The following BRWD3 variants were observed in gnomAD, a reference collection of about 807,000 sequenced individuals.
BRWD3 encodes the protein bromodomain and WD repeat domain containing 3.
A neutral mutation model predicts 149.7 loss-of-function variants in BRWD3; 10 were observed. That is an observed-to-expected ratio of 0.07 (90% confidence interval 0.04 to 0.11). The LOEUF (loss-of-function observed/expected upper bound fraction) is 0.11. Ranked by LOEUF, BRWD3 falls within the 10% of genes least tolerant of loss-of-function variation. The pLI, the probability that BRWD3 is intolerant of heterozygous loss-of-function variation, is 1.00. For synonymous variants in BRWD3, 504 were observed against 456.7 expected (o/e 1.10, Z -1.32); for missense variants, 940 against 1,373.2 (o/e 0.68, Z 4.99).
chrX:80,677,080 T>C lies in BRWD3; in HGVS notation c.4938A>G (p.Ile1646Met), dbSNP rs1406872083. Residue 1646 changes from isoleucine (I) to methionine (M), a missense_variant, in exon 41 of 41, where the codon ATA becomes ATG. Ile to Met is a conservative substitution (Grantham distance 10). Transcript: ENST00000373275. ...TGAGTTTTCTTTTAGGTCTGGTTTGTATGAATTTGCTATAATCATGGTCTC... is the reference window on the plus strand; with the variant it reads ...TGAGTTTTCTTTTAGGTCTGGTTTGCATGAATTTGCTATAATCATGGTCTC... Reference protein sequence around the residue: ...VDGDHDYSKFIQTRPKRKLRK... With the variant: ...VDGDHDYSKFMQTRPKRKLRK... 8.3e-7 allele frequency: 1 copy of C among 1,210,037 alleles called. No homozygotes were observed. Among genetic ancestry groups the C allele is most frequent in the Non-Finnish European group, 1.1e-6 (1 of 895,105 alleles).
intron 6 of BRWD3, among the ~76,000 whole-genome samples, chrX:80,779,315 CA>C (rs1056292657): frequency 7.8e-4 from 81 of 103,222 alleles, no homozygotes; most frequent in South Asian, 2.4e-3. Flanking sequence ...AATTCTGTCT[CA>C]AAAAAAAAAG....
In BRWD3 at chrX:80,686,959, A is replaced by C; in HGVS notation, c.3909T>G (p.Asp1303Glu). 8.3e-7 allele frequency: 1 copy of C among 1,210,095 alleles called. No homozygotes were observed. The highest frequency in any genetic ancestry group is 1.1e-6 in the Non-Finnish European group (1 of 894,372). The change falls in exon 35 of 41, where the codon GAT (aspartate) becomes GAG (glutamate). Residue 1303 changes from aspartate (D) to glutamate (E), a missense_variant. Around this residue, in one of 6 missense-constraint regions of BRWD3, gnomAD observed 349 missense variants for 419.6 expected, o/e 0.83. Transcript: ENST00000373275. Reference sequence around the variant, plus strand: ...GTTCCTTGCATTGTTTTTTCCAAGCATCAGGATTACACTTTAAAGACTGTC... The same window carrying C: ...GTTCCTTGCATTGTTTTTTCCAAGCCTCAGGATTACACTTTAAAGACTGTC... ...GRRQSLKCNPDAWKKQCKELL... is the reference protein window; with the variant it reads ...GRRQSLKCNPEAWKKQCKELL...
chrX:80,761,766 G>A (rs1267960537), intron 6 of BRWD3, among the ~76,000 whole-genome samples: 1 of 111,218 alleles, frequency 9.0e-6, no homozygotes, highest in African/African-American at 3.3e-5. Flanking sequence ...GTCAAAAAAC[G>A]GTTCCATACT....
At chrX:80,750,429 A>T (rs1280553726) in intron 6 of BRWD3, among the ~76,000 whole-genome samples, 1 of 111,231 alleles carries the variant, frequency 9.0e-6, no homozygotes, top group Non-Finnish European at 1.9e-5. Context: ...CTGAACAAAC[A>T]TTTCTCAAAA....
intron 4 of BRWD3, among the ~76,000 whole-genome samples, chrX:80,805,036 G>A (rs1199088100): frequency 1.8e-5 from 2 of 111,681 alleles, no homozygotes; most frequent in Non-Finnish European, 3.8e-5. Context: ...TTTTTTAAAT[G>A]ACATTTCAGA....
At position 80,690,109 on chromosome X, in the gene BRWD3, A is replaced by G. The variant is rs756320500; in HGVS notation, c.3603-17T>C. ...GATATTCTCCTGTGAAAGAAAAAAT[A>G]CTCTGTTAGCCTTGGCTAATATATT... is the stretch of plus-strand genomic sequence containing the variant. On this transcript the variant is annotated splice_polypyrimidine_tract_variant and intron_variant, in intron 31 of 40. Transcript: ENST00000373275. 8.3e-7 allele frequency: 1 copy of G among 1,201,491 alleles called. No individual in the cohort carries two copies. The highest frequency in any genetic ancestry group is 1.8e-5 in the South Asian group (1 of 56,654).
At position 80,746,949 on chromosome X, in the gene BRWD3, C is replaced by T. The variant is rs562919886; in HGVS notation, c.431-1220G>A. On this transcript the variant is annotated intron_variant, in intron 6 of 40. Transcript: ENST00000373275. ...ACATGTTGAATATAAACAATTAGAA[C>T]ACATAAGAGACCTGAGTAGTTATGT... is the stretch of plus-strand genomic sequence containing the variant. The T allele has an allele frequency of 3.2e-4, 128 of 404,348 alleles. 3 individuals are homozygous for T. The South Asian group carries it at 0.014, about 44-fold the overall frequency. 33.3% of individuals were successfully genotyped at this position (404,348 alleles called of 1,213,427 possible).
chrX:80,687,151 T>A, intron 34 of BRWD3, 148 bp from the exon 35 acceptor site: 1 of 436,458 alleles, frequency 2.3e-6, no homozygotes, highest in East Asian at 4.6e-5. Flanking sequence ...TTTCTTAGTT[T>A]AAATTAGACA....
chrX:80,808,975 C>T, intron 3 of BRWD3, 38 bp downstream of exon 3: 1 of 1,189,277 alleles, frequency 8.4e-7, no homozygotes, highest in Non-Finnish European at 1.1e-6. Flanking sequence ...TCCAGTCTCA[C>T]CTCAACCCTC....
chrX:80,797,381 C>T (rs2074249342), intron 4 of BRWD3, among the ~76,000 whole-genome samples: 1 of 111,236 alleles, frequency 9.0e-6, no homozygotes, highest in Admixed American at 9.6e-5. Context: ...TCAGTTGTTA[C>T]ATAAAAACTT....
chrX:80,800,756 A>G (rs897426011), intron 4 of BRWD3, among the ~76,000 whole-genome samples: 2 of 110,722 alleles, frequency 1.8e-5, no homozygotes, highest in African/African-American at 6.6e-5. Context: ...CAGGGGAAAA[A>G]AAAGAAAAAA....
intron 4 of BRWD3, 117 bp from the exon 5 acceptor site, chrX:80,793,889 G>A: frequency 1.2e-6 from 1 of 818,447 alleles, no homozygotes; most frequent in South Asian, 2.3e-5. Flanking sequence ...TTTAAAATAT[G>A]GAATCAGGCC....
At chrX:80,743,504 C>T (rs915661480) in intron 8 of BRWD3, among the ~76,000 whole-genome samples, 13 of 111,375 alleles carry the variant, frequency 1.2e-4, no homozygotes, top group Non-Finnish European at 1.9e-4. Context: ...TGGTAGAATT[C>T]GGCTGTGAAT....
At chrX:80,793,594 TCA>T in intron 5 of BRWD3, 26 bp downstream of exon 5, 1 of 1,198,733 alleles carries the variant, frequency 8.3e-7, no homozygotes, top group Non-Finnish European at 1.1e-6. Flanking sequence ...TCCTCTGATA[TCA>T]CAGTCCTAAA....
chrX:80,712,038 T>A (rs2072976938), intron 20 of BRWD3, among the ~76,000 whole-genome samples: 1 of 112,126 alleles, frequency 8.9e-6, no homozygotes, highest in African/African-American at 3.2e-5. Context: ...ACAGCATTCT[T>A]AAGATTCTTA....
chrX:80,745,862 C>A, intron 6 of BRWD3, 133 bp from the exon 7 acceptor site: 1 of 576,284 alleles, frequency 1.7e-6, no homozygotes, highest in South Asian at 2.8e-5. Flanking sequence ...AGTCTAAATT[C>A]CCTTACATAG....
intron 6 of BRWD3, among the ~76,000 whole-genome samples, chrX:80,791,389 G>C (rs962013522): frequency 3.6e-5 from 4 of 111,412 alleles, no homozygotes; most frequent in African/African-American, 1.3e-4. Context: ...TCTGGCCAGA[G>C]ATGTCCCAAG....
At chrX:80,710,670 T>C in intron 20 of BRWD3, 2 of 819,508 alleles carry the variant, frequency 2.4e-6, no homozygotes, top group Non-Finnish European at 3.6e-6. Flanking sequence ...ACCTGCTGAT[T>C]AACCAGCAGA....
At chrX:80,774,152 C>T (rs1282455932) in intron 6 of BRWD3, among the ~76,000 whole-genome samples, 2 of 111,951 alleles carry the variant, frequency 1.8e-5, no homozygotes, top group East Asian at 5.6e-4. Flanking sequence ...TTCTGATTCC[C>T]CCTGCCTCTC....
Sources: allele counts gnomAD v4.1 joint callset (sites outside exome capture counted in the v4.1 genomes callset), GRCh38; gene constraint gnomAD v4.1.1; regional missense constraint gnomAD v4.1.1; transcripts MANE v1.5; gene names NCBI Gene and HGNC (gene_info 2026-07-23, HGNC 2026-07-21).